The following MAP4 variants were observed in gnomAD, a reference collection of about 807,000 sequenced individuals.
MAP4 encodes the protein microtubule associated protein 4.
A neutral mutation model predicts 170.2 loss-of-function variants in MAP4; 76 were observed. The ratio of observed to expected loss-of-function variants is 0.45; its 90% CI spans 0.37 to 0.54. The LOEUF is 0.54. Ranked by LOEUF, MAP4 falls within the 20% of genes least tolerant of loss-of-function variation. MAP4 has a pLI of 0.00. For missense variants in MAP4, 2,506 were observed against 2,748.0 expected, an observed-to-expected ratio of 0.91 and a Z score of 1.97; for synonymous variants, 909 against 994.5, an observed-to-expected ratio of 0.91 and a Z score of 1.62.
At chr3:47,944,902 C>T (rs34750113) in intron 3 of MAP4, among the ~76,000 whole-genome samples, 37,795 of 149,390 alleles carry the variant, frequency 0.25, 5,452 homozygotes, top group Middle Eastern at 0.34. Context: ...ACTAGGGAAC[C>T]GGTGTGTGTT....
intron 3 of MAP4, among the ~76,000 whole-genome samples, chr3:47,950,574 T>C (rs953456777): frequency 6.6e-6 from 1 of 151,860 alleles, no homozygotes; most frequent in African/African-American, 2.4e-5. Context: ...CTCGAGTAAA[T>C]TATGTTTAAA....
chr3:48,043,981 G>A (rs986852879), intron 1 of MAP4, among the ~76,000 whole-genome samples: 5 of 152,038 alleles, frequency 3.3e-5, no homozygotes, highest in African/African-American at 4.8e-5. Flanking sequence ...GAGTAGCTGG[G>A]ACTACAGGCA....
chr3:48,074,150 C>A (rs2100142433), intron 1 of MAP4, among the ~76,000 whole-genome samples: 1 of 151,806 alleles, frequency 6.6e-6, no homozygotes, highest in Admixed American at 6.6e-5. Context: ...GAGTTCATGT[C>A]CTTTGTAGGG....
intron 2 of MAP4, among the ~76,000 whole-genome samples, chr3:47,979,308 G>T (rs1397295042): frequency 6.6e-6 from 1 of 151,866 alleles, no homozygotes; most frequent in Non-Finnish European, 1.5e-5. Flanking sequence ...TGTGGAAAAA[G>T]TCATCTGCAT....
rs188794452 is a variant in MAP4, at chr3:47,938,454, G to A, written c.293-10104C>T. On this transcript the variant is annotated intron_variant, in intron 3 of 20. Transcript: ENST00000683076. ...AGTGGCGCAATCACAGCTCACTGCG[G>A]CCTCAACTTCCTGGGCTCAAGCAAT... 3.3e-5 allele frequency among the ~76,000 whole-genome samples: 5 copies of A among 152,314 alleles called. No homozygotes were observed. The East Asian group carries it at 9.7e-4, about 29-fold the overall frequency.
At chr3:47,970,613 C>G (rs1186774508) in intron 3 of MAP4, among the ~76,000 whole-genome samples, 2 of 151,946 alleles carry the variant, frequency 1.3e-5, no homozygotes, top group African/African-American at 4.8e-5. Context: ...AGTTCGAGAC[C>G]AGCCTGGCCA....
rs879751078 is a variant in MAP4, at chr3:47,854,296, C to G, written c.6697-944G>C. Among the ~76,000 whole-genome samples, 4 of 152,150 alleles carry G rather than the reference C, an allele frequency of 2.6e-5. No individual in the cohort carries two copies. The South Asian group carries it at 6.2e-4, about 24-fold the overall frequency. ...GACGGGCGTGAGAACGGCATCCTCA[C>G]GAGGTATGGGGGGCACGAACTGAGA... On this transcript the variant is annotated intron_variant, in intron 19 of 20. Coordinates refer to ENST00000683076, the MANE Select transcript of MAP4 (RefSeq NM_001385682.1).
Position 47,915,990 on chromosome 3 carries a change from C to T in MAP4, c.1837G>A (p.Val613Met), listed in dbSNP as rs78150694. 868 of 1,613,964 alleles carry T rather than the reference C, an allele frequency of 5.4e-4. 3 individuals are homozygous for T. In the African/African-American group the frequency reaches 8.8e-3, roughly 16 times the overall value. ...EDSHLESLQD[V>M]GQSAAPTFMI... Reference sequence around the variant, plus strand: ...AAAGTAGGTGCAGCTGACTGCCCCACATCCTGCAGAGATTCTAAATGGGAA... The same window carrying T: ...AAAGTAGGTGCAGCTGACTGCCCCATATCCTGCAGAGATTCTAAATGGGAA... Residue 613 changes from valine (V) to methionine (M), a missense_variant, in exon 7 of 21, where the codon GTG becomes ATG. Val to Met is a conservative substitution (Grantham distance 21). Around this residue, in one of 3 missense-constraint regions of MAP4, gnomAD observed 2,008 missense variants for 2,206.0 expected, o/e 0.91. Coordinates refer to ENST00000683076, the MANE Select transcript of MAP4 (RefSeq NM_001385682.1).
chr3:47,870,080 T>G (rs1238368130), intron 15 of MAP4, among the ~76,000 whole-genome samples: 2 of 152,150 alleles, frequency 1.3e-5, no homozygotes, highest in Non-Finnish European at 2.9e-5. Flanking sequence ...GGTGGTGGTG[T>G]AGAGCTAGTG....
Position 48,007,944 on chromosome 3 carries a change from C to T in MAP4, c.-20+8390G>A, listed in dbSNP as rs557627013. Among the ~76,000 whole-genome samples the T allele has an allele frequency of 2.2e-4, 34 of 152,270 alleles. No homozygotes were observed. The South Asian group carries it at 6.8e-3, about 31-fold the overall frequency. On this transcript the variant is annotated intron_variant, in intron 1 of 20. Transcript: ENST00000683076. ...CCTCAGCCTCCCAAAGTGCTGATTACAGCTAACTACTCTCCTTTTGAGAGT... is the reference window on the plus strand; with the variant it reads ...CCTCAGCCTCCCAAAGTGCTGATTATAGCTAACTACTCTCCTTTTGAGAGT...
chr3:48,058,902 T>TC, intron 1 of MAP4, among the ~76,000 whole-genome samples: 1 of 152,136 alleles, frequency 6.6e-6, no homozygotes, highest in Non-Finnish European at 1.5e-5. Flanking sequence ...TGCCTCAGCC[T>TC]CCGAGTAGCT....
intron 1 of MAP4, among the ~76,000 whole-genome samples, chr3:48,027,480 T>C (rs1023716438): frequency 2.0e-5 from 3 of 152,272 alleles, no homozygotes; most frequent in African/African-American, 7.2e-5. Context: ...GTGGCCCATA[T>C]AGTGTTTTGA....
rs915372568 is a variant in MAP4, at chr3:47,977,871, T to C, written c.286A>G (p.Thr96Ala). Residue 96 changes from threonine to alanine, a missense_variant, in exon 3 of 21, where the codon ACT (threonine) becomes GCT (alanine). Thr to Ala is a moderately conservative substitution (Grantham distance 58). Around this residue, in one of 3 missense-constraint regions of MAP4, gnomAD observed 2,008 missense variants for 2,206.0 expected, o/e 0.91. Coordinates refer to ENST00000683076, the MANE Select transcript of MAP4 (RefSeq NM_001385682.1). ...NGGHGVEGSDTTGSPTEFLEE... is the reference protein window; with the variant it reads ...NGGHGVEGSDATGSPTEFLEE... ...AATCCTGGGAATCACTTACCTGTAG[T>C]ATCGCTCCCTTCTACTCCATGACCA... 2 of 1,610,758 alleles carry C rather than the reference T, an allele frequency of 1.2e-6. No homozygotes were observed. The highest frequency in any genetic ancestry group is 1.7e-5 in the Admixed American group (1 of 60,014).
intron 10 of MAP4, chr3:47,892,771 G>C: frequency 8.0e-7 from 1 of 1,249,890 alleles, no homozygotes; most frequent in East Asian, 4.0e-5. Context: ...GTAATTTCCC[G>C]TGAACTAGCA....
At chr3:47,942,879 G>A (rs1222914388) in intron 3 of MAP4, among the ~76,000 whole-genome samples, 5 of 152,130 alleles carry the variant, frequency 3.3e-5, no homozygotes, top group Admixed American at 3.3e-4. Flanking sequence ...GGAGGTGGAG[G>A]CAGGAGGATC....
At chr3:47,975,799 T>C (rs2154263798) in intron 3 of MAP4, among the ~76,000 whole-genome samples, 1 of 152,046 alleles carries the variant, frequency 6.6e-6, no homozygotes, top group Middle Eastern at 3.4e-3. Context: ...TATCTTTTTT[T>C]TTTTTTTTGA....
At chr3:47,892,891 T>C in intron 10 of MAP4, 2 of 994,514 alleles carry the variant, frequency 2.0e-6, no homozygotes, top group Non-Finnish European at 2.4e-6. Flanking sequence ...CACACACTCA[T>C]TTATCTGATA....
Position 47,915,941 on chromosome 3 carries a change from A to C in MAP4, c.1876+10T>G. 1 of 1,597,642 alleles carries C rather than the reference A, an allele frequency of 6.3e-7. No homozygotes were observed. Among genetic ancestry groups the C allele is most frequent in the Non-Finnish European group, 8.5e-7 (1 of 1,172,604 alleles). On this transcript the variant is annotated intron_variant, in intron 7 of 20. Coordinates refer to ENST00000683076, the MANE Select transcript of MAP4 (RefSeq NM_001385682.1). ...AGAGAGAAATACTGAGAATAAGCAC[A>C]AGCACGTACCTGGTGAAATCATGAA...
At chr3:47,943,785 C>T (rs2100057994) in intron 3 of MAP4, among the ~76,000 whole-genome samples, 1 of 152,070 alleles carries the variant, frequency 6.6e-6, no homozygotes, top group Non-Finnish European at 1.5e-5. Context: ...TTTAAGATCA[C>T]ATAGCACACT....
Sources: gnomAD v4.1 joint callset for allele counts (sites outside exome capture counted in the v4.1 genomes callset) on GRCh38, gnomAD v4.1.1 for gene constraint, gnomAD v4.1.1 regional missense constraint, MANE v1.5 for transcripts, NCBI Gene and HGNC (gene_info 2026-07-23, HGNC 2026-07-21) for gene names.